Variants in DACH1 observed in about 807,000 individuals in gnomAD.
The protein encoded by DACH1 is dachshund homolog 1.
DACH1 carries 12 observed loss-of-function variants against 54.2 expected under a neutral mutation model. That is an observed-to-expected ratio of 0.22 (90% CI 0.14 to 0.36). The LOEUF (loss-of-function observed/expected upper bound fraction) is 0.36. Among genes scored for constraint, DACH1 ranks in the 10% least tolerant of loss-of-function variants. The pLI, the probability that DACH1 is intolerant of heterozygous loss-of-function variation, is 1.00. For synonymous variants in DACH1, 386 were observed against 366.2 expected (o/e 1.05, Z -0.62); for missense variants, 805 against 929.8 (o/e 0.87, Z 1.75).
intron 6 of DACH1, among the ~76,000 whole-genome samples, chr13:71,555,639 C>A (rs1024989995): frequency 6.6e-6 from 1 of 151,996 alleles, no homozygotes; most frequent in Non-Finnish European, 1.5e-5. Flanking sequence ...GTACACCCAG[C>A]CCCACTATAC....
intron 2 of DACH1, among the ~76,000 whole-genome samples, chr13:71,640,892 T>C (rs1369567720): frequency 1.3e-5 from 2 of 152,088 alleles, no homozygotes; most frequent in Non-Finnish European, 2.9e-5. Flanking sequence ...TCACTGGCAT[T>C]TCAGTCTAAG....
chr13:71,857,107 C>T (rs1370453640), intron 1 of DACH1, among the ~76,000 whole-genome samples: 2 of 151,624 alleles, frequency 1.3e-5, no homozygotes, highest in South Asian at 2.1e-4. Context: ...AATACCCAAT[C>T]GTTTAATATC....
At chr13:71,786,471 A>T (rs1428706779) in intron 1 of DACH1, among the ~76,000 whole-genome samples, 2 of 152,146 alleles carry the variant, frequency 1.3e-5, no homozygotes, top group Non-Finnish European at 2.9e-5. Context: ...TGTAGATCTA[A>T]TGATTCAACC....
chr13:71,751,884 G>T (rs992102589), intron 1 of DACH1, among the ~76,000 whole-genome samples: 4 of 152,016 alleles, frequency 2.6e-5, no homozygotes, highest in African/African-American at 9.7e-5. Context: ...ATTTGTTACT[G>T]CTTTGCTACT....
At chr13:71,456,909 C>T (rs773879863) in intron 10 of DACH1, among the ~76,000 whole-genome samples, 8 of 151,896 alleles carry the variant, frequency 5.3e-5, no homozygotes, top group Non-Finnish European at 7.4e-5. Flanking sequence ...ACGTTGCAGC[C>T]CTAGACACTT....
At chr13:71,452,097 A>G (rs1024924268) in intron 10 of DACH1, among the ~76,000 whole-genome samples, 1 of 152,018 alleles carries the variant, frequency 6.6e-6, no homozygotes, top group Non-Finnish European at 1.5e-5. Context: ...GGACTTCTCT[A>G]AGTTTAAATT....
Position 71,735,597 on chromosome 13 carries a change from C to CGTGTATATGGGATATACGT in DACH1, c.849-53688_849-53687insACGTATATCCCATATACAC, listed in dbSNP as rs144158801. The stretch of plus-strand genomic sequence containing the variant: ...GGGATATACGTGTATATGGGATATA[C>CGTGTATATGGGATATACGT]GTATATGGGATATACGTGTATATGG... On this transcript the variant is annotated intron_variant, in intron 1 of 10. Transcript: ENST00000613252. 1.9e-3 allele frequency among the ~76,000 whole-genome samples: 184 copies of CGTGTATATGGGATATACGT among 98,172 alleles called. 9 individuals are homozygous for CGTGTATATGGGATATACGT. The highest frequency in any genetic ancestry group is 7.0e-3 in the African/African-American group (174 of 24,790). 64.4% of individuals were successfully genotyped at this position (98,172 alleles called of 152,430 possible).
At chr13:71,691,283 TTTTTG>T (rs1302676734) in intron 1 of DACH1, among the ~76,000 whole-genome samples, 1 of 152,206 alleles carries the variant, frequency 6.6e-6, no homozygotes, top group African/African-American at 2.4e-5. Flanking sequence ...TTTCCAAATG[TTTTTG>T]TTTTATTTTT....
At chr13:71,624,677 T>C (rs1178045695) in intron 3 of DACH1, among the ~76,000 whole-genome samples, 1 of 151,956 alleles carries the variant, frequency 6.6e-6, no homozygotes, top group Non-Finnish European at 1.5e-5. Flanking sequence ...TGTGAATCAG[T>C]GATACTGTAA....
chr13:71,744,012 T>C (rs2041846), intron 1 of DACH1, among the ~76,000 whole-genome samples: 134,486 of 152,124 alleles, frequency 0.88, 60,136 homozygotes, highest in African/African-American at 0.94. Flanking sequence ...CAAACCTCAA[T>C]ACCACAGAGG....
intron 6 of DACH1, among the ~76,000 whole-genome samples, chr13:71,520,540 A>G (rs1881520889): frequency 6.6e-6 from 1 of 151,462 alleles, no homozygotes; most frequent in South Asian, 2.1e-4. Context: ...ATGTAAACCA[A>G]AAAATAAAAT....
intron 1 of DACH1, among the ~76,000 whole-genome samples, chr13:71,829,271 G>A (rs1180470604): frequency 6.6e-6 from 1 of 151,764 alleles, no homozygotes; most frequent in Non-Finnish European, 1.5e-5. Flanking sequence ...TTAAATGTAA[G>A]ACAAAACATA....
intron 6 of DACH1, among the ~76,000 whole-genome samples, chr13:71,543,721 G>C (rs1201374625): frequency 6.6e-6 from 1 of 152,078 alleles, no homozygotes; most frequent in East Asian, 1.9e-4. Flanking sequence ...GGAGAATGTA[G>C]CACCATTCAT....
chr13:71,699,260 A>C (rs932439492), intron 1 of DACH1, among the ~76,000 whole-genome samples: 3 of 151,518 alleles, frequency 2.0e-5, no homozygotes, highest in Non-Finnish European at 2.9e-5. Flanking sequence ...TTCTTAAAGG[A>C]AAAAAGATAA....
chr13:71,700,847 TTCTA>T (rs1882102304), intron 1 of DACH1, among the ~76,000 whole-genome samples: 1 of 152,192 alleles, frequency 6.6e-6, no homozygotes. Flanking sequence ...ACATCCCTGA[TTCTA>T]TCTGAGCTTT....
chr13:71,490,833 C>T (rs1381647536), intron 6 of DACH1, among the ~76,000 whole-genome samples: 1 of 152,102 alleles, frequency 6.6e-6, no homozygotes, highest in East Asian at 1.9e-4. Flanking sequence ...CAATATCTTT[C>T]GATCATCATC....
At chr13:71,608,133 T>C (rs1046836534) in intron 3 of DACH1, among the ~76,000 whole-genome samples, 1 of 151,874 alleles carries the variant, frequency 6.6e-6, no homozygotes, top group African/African-American at 2.4e-5. Context: ...TAATGCTGAA[T>C]TTGCAAGTGA....
intron 1 of DACH1, among the ~76,000 whole-genome samples, chr13:71,700,199 G>A (rs990819369): frequency 2.0e-5 from 3 of 152,062 alleles, no homozygotes; most frequent in African/African-American, 7.2e-5. Flanking sequence ...ATTGAGAACA[G>A]GAAATAAGAA....
At chr13:71,552,910 G>A (rs1450631481) in intron 6 of DACH1, among the ~76,000 whole-genome samples, 20 of 137,640 alleles carry the variant, frequency 1.5e-4, no homozygotes, top group African/African-American at 4.6e-4. Context: ...ACCAGGTGTG[G>A]TAGCTCACGC....
Sources: allele counts gnomAD v4.1 joint callset (sites outside exome capture counted in the v4.1 genomes callset), GRCh38; gene constraint gnomAD v4.1.1; transcripts MANE v1.5; gene names NCBI Gene and HGNC (gene_info 2026-07-23, HGNC 2026-07-21).